Variants in SNX29 observed in about 807,000 individuals in gnomAD.
SNX29 encodes sorting nexin-29.
A neutral mutation model predicts 102.1 loss-of-function variants in SNX29; 78 were observed. The ratio of observed to expected loss-of-function variants is 0.76; its 90% CI spans 0.64 to 0.92. The LOEUF (loss-of-function observed/expected upper bound fraction) is 0.92, where lower values mean the gene tolerates loss of function less well. SNX29 is among the 40% of genes least tolerant of loss of function. The pLI is 0.00. For synonymous variants in SNX29, 580 were observed against 414.5 expected (o/e 1.40, Z -4.85); for missense variants, 1,280 against 1,061.7 (o/e 1.21, Z -2.86).
intron 13 of SNX29, among the ~76,000 whole-genome samples, chr16:12,196,725 A>T (rs376564615): frequency 2.6e-5 from 4 of 151,256 alleles, no homozygotes; most frequent in Admixed American, 1.3e-4. Flanking sequence ...GGTTCAAGCA[A>T]TTCTTCTGCC....
At chr16:12,281,579 G>A (rs754159930) in intron 15 of SNX29, among the ~76,000 whole-genome samples, 1 of 152,210 alleles carries the variant, frequency 6.6e-6, no homozygotes, top group African/African-American at 2.4e-5. Context: ...AGCACTAGTA[G>A]TATCACAGCC....
chr16:12,399,668 G>A (rs112199536), intron 17 of SNX29, among the ~76,000 whole-genome samples: 1 of 152,146 alleles, frequency 6.6e-6, no homozygotes, highest in African/African-American at 2.4e-5. Context: ...GTGGCGATGA[G>A]TGAGATTATG....
chr16:12,466,766 A>G (rs972414543), intron 18 of SNX29, among the ~76,000 whole-genome samples: 1 of 152,076 alleles, frequency 6.6e-6, no homozygotes, highest in Admixed American at 6.6e-5. Context: ...GAAAGAGGCC[A>G]TAGCAGTTGG....
At chr16:12,558,049 A>C (rs1441384053) in intron 20 of SNX29, among the ~76,000 whole-genome samples, 1 of 152,246 alleles carries the variant, frequency 6.6e-6, no homozygotes, top group African/African-American at 2.4e-5. Context: ...GGCCGGGATT[A>C]CAACAGAGAC....
At chr16:12,291,804 C>T (rs1346912835) in intron 15 of SNX29, among the ~76,000 whole-genome samples, 1 of 152,064 alleles carries the variant, frequency 6.6e-6, no homozygotes, top group Admixed American at 6.6e-5. Flanking sequence ...GGGACTGTTG[C>T]TAGGGGAAGC....
At chr16:12,500,344 C>G (rs753873750) in intron 19 of SNX29, among the ~76,000 whole-genome samples, 47 of 152,254 alleles carry the variant, frequency 3.1e-4, no homozygotes, top group Middle Eastern at 6.8e-3. Context: ...AGCTTGCCTG[C>G]AGACCAATAA....
intron 20 of SNX29, among the ~76,000 whole-genome samples, chr16:12,558,562 C>A (rs1351305246): frequency 6.6e-6 from 1 of 152,200 alleles, no homozygotes; most frequent in Non-Finnish European, 1.5e-5. Context: ...TCTCAGTACC[C>A]CGTCCATGGT....
chr16:12,403,244 GTGTGTGTGTGT>G (rs1567527956), intron 17 of SNX29, among the ~76,000 whole-genome samples, 193 bp from the exon 18 acceptor site: 61 of 144,336 alleles, frequency 4.2e-4, no homozygotes, highest in African/African-American at 7.5e-4. Context: ...GTGTGTGTGT[GTGTGTGTGTGT>G]AGAGAGAGAC....
intron 20 of SNX29, chr16:12,561,040 C>T (rs1015167363): frequency 9.0e-6 from 2 of 222,074 alleles, no homozygotes. Flanking sequence ...AGACCCATTT[C>T]AAACCAAGAG....
chr16:12,155,159 C>A (rs970848329), intron 13 of SNX29, among the ~76,000 whole-genome samples: 1 of 152,158 alleles, frequency 6.6e-6, no homozygotes, highest in African/African-American at 2.4e-5. Context: ...CTTCCGCGCC[C>A]AGGGGACTCT....
At chr16:12,123,856 C>T (rs2054088986) in intron 11 of SNX29, among the ~76,000 whole-genome samples, 1 of 152,190 alleles carries the variant, frequency 6.6e-6, no homozygotes, top group African/African-American at 2.4e-5. Flanking sequence ...CAAAACAACT[C>T]ATCAAAGCAG....
At position 12,027,300 on chromosome 16, in the gene SNX29, A is replaced by G. The variant is rs777096497; in HGVS notation, c.123-20A>G. 43 of 1,612,606 alleles carry G rather than the reference A, an allele frequency of 2.7e-5. 1 individual carries two copies. Among genetic ancestry groups the G allele is most frequent in the Non-Finnish European group, 3.3e-5 (39 of 1,179,242 alleles). ...ACTCCCTTTTCTGGGGGGACTGATG[A>G]GTCATTGGTTTTCTCACAGGGTCAC... On this transcript the variant is annotated intron_variant, in intron 3 of 20. Coordinates refer to ENST00000566228, the MANE Select transcript of SNX29 (RefSeq NM_032167.5).
intron 20 of SNX29, among the ~76,000 whole-genome samples, chr16:12,538,093 T>C (rs2077158781): frequency 6.6e-6 from 1 of 150,662 alleles, no homozygotes; most frequent in Admixed American, 6.6e-5. Context: ...GCTAAGCAAA[T>C]TCACAGCTTT....
intron 9 of SNX29, among the ~76,000 whole-genome samples, chr16:12,064,355 C>G (rs10500382): frequency 0.36 from 54,270 of 152,088 alleles, 9,897 homozygotes; most frequent in African/African-American, 0.44. Context: ...GTCCAGGGAA[C>G]GTAGCTCCCC....
intron 14 of SNX29, among the ~76,000 whole-genome samples, chr16:12,247,575 C>G (rs565428494): frequency 1.3e-5 from 2 of 152,296 alleles, no homozygotes; most frequent in African/African-American, 2.4e-5. Flanking sequence ...CACAGAGTTT[C>G]TTCCTGGAGA....
chr16:12,246,767 C>A (rs1310193283), intron 14 of SNX29, among the ~76,000 whole-genome samples: 1 of 152,188 alleles, frequency 6.6e-6, no homozygotes, highest in Non-Finnish European at 1.5e-5. Flanking sequence ...ATGACCCGGG[C>A]CCACAGCAGT....
chr16:12,538,800 C>G (rs751403912), intron 20 of SNX29, among the ~76,000 whole-genome samples: 1 of 152,128 alleles, frequency 6.6e-6, no homozygotes, highest in South Asian at 2.1e-4. Context: ...GATTACAAGG[C>G]AGAAACCAGA....
intron 15 of SNX29, among the ~76,000 whole-genome samples, chr16:12,288,680 A>G (rs987675053): frequency 1.8e-3 from 251 of 140,186 alleles, no homozygotes; most frequent in Admixed American, 6.6e-3. Flanking sequence ...CATCTGGGGA[A>G]AAAAAAAAAA....
At chr16:12,015,253 T>C (rs901779180) in intron 3 of SNX29, among the ~76,000 whole-genome samples, 7 of 152,076 alleles carry the variant, frequency 4.6e-5, no homozygotes, top group African/African-American at 1.7e-4. Flanking sequence ...TTTTTTAATT[T>C]TTTATATTTT....
Sources: allele counts gnomAD v4.1 joint callset (sites outside exome capture counted in the v4.1 genomes callset), GRCh38; gene constraint gnomAD v4.1.1; transcripts MANE v1.5; gene names NCBI Gene and HGNC (gene_info 2026-07-23, HGNC 2026-07-21).